CAMSAP1: variants seen among roughly 807,000 people sequenced by gnomAD.
CAMSAP1 encodes calmodulin regulated spectrin associated protein 1, also known as calmodulin-regulated spectrin-associated protein 1.
CAMSAP1 carries 58 observed loss-of-function variants against 143.5 expected under a neutral mutation model. The ratio of observed to expected loss-of-function variants is 0.40; its 90% confidence interval spans 0.33 to 0.50. The LOEUF is 0.50. Among genes scored for constraint, CAMSAP1 ranks in the 20% least tolerant of loss-of-function variants. CAMSAP1 has a pLI of 0.45. For missense variants in CAMSAP1, 1,969 were observed against 2,115.7 expected, an observed-to-expected ratio of 0.93 and a Z score of 1.36; for synonymous variants, 945 against 859.3, an observed-to-expected ratio of 1.10 and a Z score of -1.74.
At chr9:135,887,816 T>C (rs2130998373) in intron 1 of CAMSAP1, among the ~76,000 whole-genome samples, 1 of 145,346 alleles carries the variant, frequency 6.9e-6, no homozygotes, top group East Asian at 1.9e-4. Flanking sequence ...CCATGGAGAC[T>C]GGAGACAAGA....
At chr9:135,876,837 C>A (rs1314772050) in intron 3 of CAMSAP1, among the ~76,000 whole-genome samples, 1 of 151,898 alleles carries the variant, frequency 6.6e-6, no homozygotes, top group Non-Finnish European at 1.5e-5. Context: ...GATGAAACCC[C>A]GTCCCTACTA....
In CAMSAP1 at chr9:135,829,506, A is replaced by G. The variant is rs963071065; in HGVS notation, c.1046-1922T>C. Among the ~76,000 whole-genome samples, 6 of 152,064 alleles carry G rather than the reference A, an allele frequency of 3.9e-5. No individual in the cohort carries two copies. In the South Asian group the frequency reaches 1.2e-3, roughly 32 times the overall value. Reference sequence around the variant, plus strand: ...CACTTCAGTCCAGCCTGGACAACAGAGCAAGACCTTGTCTCAAAGAAGAAA... The same window carrying G: ...CACTTCAGTCCAGCCTGGACAACAGGGCAAGACCTTGTCTCAAAGAAGAAA... On this transcript the variant is annotated intron_variant, in intron 7 of 16. Coordinates refer to ENST00000389532, the MANE Select transcript of CAMSAP1 (RefSeq NM_015447.4).
At chr9:135,812,756 G>A (rs939226183) in intron 16 of CAMSAP1, among the ~76,000 whole-genome samples, 2 of 152,128 alleles carry the variant, frequency 1.3e-5, no homozygotes, top group Admixed American at 6.5e-5. Flanking sequence ...ATCACTTGAG[G>A]TCAGGAGTTC....
intron 1 of CAMSAP1, among the ~76,000 whole-genome samples, chr9:135,902,110 A>T (rs1838635558): frequency 1.3e-5 from 2 of 152,206 alleles, no homozygotes; most frequent in Admixed American, 1.3e-4. Flanking sequence ...ACCTCTGCAG[A>T]GGAAAGGTCA....
In CAMSAP1 at chr9:135,850,181, T is replaced by C. The variant is rs1184174596; in HGVS notation, c.1001A>G (p.Lys334Arg). ...ATCCCTGGGCTGAACAAAATCTGGC[T>C]TGACATTCTCGAACCACCAAAAAAG... ...AELFWWFENV[K>R]PDFVQPRDVQ... Residue 334 changes from lysine (K) to arginine (R), a missense_variant, in exon 7 of 17, where the codon AAG (lysine) becomes AGG (arginine). Physicochemically the swap from Lys to Arg is conservative, Grantham distance 26 (BLOSUM62 2). Coordinates refer to ENST00000389532, the MANE Select transcript of CAMSAP1 (RefSeq NM_015447.4). 5.6e-6 allele frequency: 9 copies of C among 1,612,586 alleles called. No individual in the cohort carries two copies. The highest frequency in any genetic ancestry group is 6.8e-6 in the Non-Finnish European group (8 of 1,179,358).
intron 3 of CAMSAP1, among the ~76,000 whole-genome samples, chr9:135,877,061 AT>A (rs1294131767): frequency 6.6e-6 from 1 of 152,160 alleles, no homozygotes; most frequent in Non-Finnish European, 1.5e-5. Context: ...TAGTAGCTTT[AT>A]TCAAAACAGG....
intron 5 of CAMSAP1, among the ~76,000 whole-genome samples, chr9:135,853,772 C>T (rs1004679692): frequency 6.6e-6 from 1 of 152,168 alleles, no homozygotes; most frequent in African/African-American, 2.4e-5. Context: ...TCAGAGAACC[C>T]GCTCCGTCAG....
rs17040508 is a variant in CAMSAP1, at chr9:135,824,051, T to C, written c.1316-17A>G. 6.4e-6 allele frequency: 10 copies of C among 1,559,306 alleles called. No homozygotes were observed. On this transcript the variant is annotated splice_polypyrimidine_tract_variant and intron_variant, in intron 9 of 16. Coordinates refer to ENST00000389532, the MANE Select transcript of CAMSAP1 (RefSeq NM_015447.4). This position sits in a 1 kb window ranked among gnomAD's most constrained non-coding sequence, Gnocchi z 4.1. The stretch of plus-strand genomic sequence containing the variant: ...GTCGCTGATCTGCAGTACAGAGGAA[T>C]TAGATAGTGTTAAGTAACCAATTTT...
chr9:135,862,226 AC>A (rs1304726059), intron 5 of CAMSAP1, among the ~76,000 whole-genome samples: 2 of 133,552 alleles, frequency 1.5e-5, no homozygotes, highest in African/African-American at 5.6e-5. Context: ...GGCTGGGACC[AC>A]AGGCGTGTGC....
At chr9:135,844,525 C>T (rs1354512973) in intron 7 of CAMSAP1, among the ~76,000 whole-genome samples, 3 of 152,148 alleles carry the variant, frequency 2.0e-5, no homozygotes, top group Non-Finnish European at 4.4e-5. Flanking sequence ...GATGCTCAAA[C>T]ATCACAATTG....
chr9:135,905,450 T>C (rs17040537), intron 1 of CAMSAP1, among the ~76,000 whole-genome samples: 3,273 of 152,280 alleles, frequency 0.021, 129 homozygotes, highest in African/African-American at 0.074. Context: ...TTAAAAAACA[T>C]GCAGGAGTAA....
At chr9:135,864,214 C>T (rs1588485026) in intron 4 of CAMSAP1, among the ~76,000 whole-genome samples, 1 of 152,348 alleles carries the variant, frequency 6.6e-6, no homozygotes, top group South Asian at 2.1e-4. Context: ...CATGTGACCT[C>T]ACTTCCTGCA....
intron 1 of CAMSAP1, among the ~76,000 whole-genome samples, chr9:135,887,115 T>A (rs1024982642): frequency 1.3e-5 from 2 of 151,790 alleles, no homozygotes; most frequent in African/African-American, 2.4e-5. Flanking sequence ...GGGGGACGAG[T>A]CATCCAGTGA....
At chr9:135,829,481 C>A (rs1385571299) in intron 7 of CAMSAP1, among the ~76,000 whole-genome samples, 1 of 152,040 alleles carries the variant, frequency 6.6e-6, no homozygotes, top group African/African-American at 2.4e-5. Context: ...CAAGCCACTG[C>A]ACTTCAGTCC....
At chr9:135,833,026 C>T (rs1403824132) in intron 7 of CAMSAP1, among the ~76,000 whole-genome samples, 1 of 146,328 alleles carries the variant, frequency 6.8e-6, no homozygotes, top group Non-Finnish European at 1.5e-5. Flanking sequence ...AACAGAAAAA[C>T]AAACCTAAAA....
At chr9:135,865,363 G>C (rs1837337993) in intron 4 of CAMSAP1, 1 of 1,550,592 alleles carries the variant, frequency 6.4e-7, no homozygotes, top group Non-Finnish European at 8.7e-7. Flanking sequence ...CTTGGAGGGA[G>C]ACTGCTCAGG....
chr9:135,817,003 A>G (rs989020130), intron 14 of CAMSAP1, among the ~76,000 whole-genome samples: 1 of 152,210 alleles, frequency 6.6e-6, no homozygotes, highest in African/African-American at 2.4e-5. Flanking sequence ...TGGGCTGCTC[A>G]ATCAGCAGCG....
At chr9:135,837,599 CG>C (rs1836126466) in intron 7 of CAMSAP1, among the ~76,000 whole-genome samples, 1 of 145,788 alleles carries the variant, frequency 6.9e-6, no homozygotes, top group Admixed American at 6.8e-5. Flanking sequence ...ACATGTCATC[CG>C]CACTTTCTGC....
At chr9:135,834,711 A>G (rs1335337004) in intron 7 of CAMSAP1, among the ~76,000 whole-genome samples, 1 of 152,134 alleles carries the variant, frequency 6.6e-6, no homozygotes, top group African/African-American at 2.4e-5. Context: ...GCATGGGACT[A>G]TAGTTAGCAA....
Sources: gnomAD v4.1 joint callset for allele counts (sites outside exome capture counted in the v4.1 genomes callset) on GRCh38, gnomAD v4.1.1 for gene constraint, Gnocchi (gnomAD v3.1) non-coding constraint, MANE v1.5 for transcripts, NCBI Gene and HGNC (gene_info 2026-07-23, HGNC 2026-07-21) for gene names.